The following TRA2B variants were observed in gnomAD, a reference collection of about 807,000 sequenced individuals.
TRA2B encodes the protein transformer 2 beta homolog, also known as transformer-2 protein homolog beta.
In TRA2B, 14 loss-of-function variants were observed where a neutral mutation model predicts 41.7. The observed-to-expected ratio is 0.34, with a 90% CI of 0.22 to 0.53. The LOEUF (loss-of-function observed/expected upper bound fraction) is 0.53. TRA2B is among the 20% of genes least tolerant of loss of function. The pLI is 0.95. For missense variants in TRA2B, 167 were observed against 396.8 expected, an observed-to-expected ratio of 0.42 and a Z score of 4.92; for synonymous variants, 130 against 128.8, an observed-to-expected ratio of 1.01 and a Z score of -0.06.
At chr3:185,929,643 A>T (rs1744075499) in intron 1 of TRA2B, among the ~76,000 whole-genome samples, 2 of 152,158 alleles carry the variant, frequency 1.3e-5, no homozygotes, top group Admixed American at 6.5e-5. Context: ...AAAATAATCC[A>T]CATCTCCCTA....
chr3:185,917,641 A>G lies in TRA2B; in HGVS notation c.*74T>C. On this transcript the variant is annotated 3_prime_UTR_variant, in exon 9 of 9. Coordinates refer to ENST00000453386, the MANE Select transcript of TRA2B (RefSeq NM_004593.3). ...TCACTAGGCACTGTTCACTTTTTAA[A>G]CAAGAGACAATAAAAAATATTGCCC... The G allele has an allele frequency of 6.5e-7, 1 of 1,547,430 alleles. No homozygotes were observed. Among genetic ancestry groups the G allele is most frequent in the South Asian group, 1.1e-5 (1 of 87,858 alleles).
At chr3:185,925,215 G>T in intron 3 of TRA2B, 1 of 377,930 alleles carries the variant, frequency 2.6e-6, no homozygotes, top group South Asian at 3.8e-5. Context: ...AATGCAGTCG[G>T]AAGTTTTTTT....
Position 185,937,957 on chromosome 3 carries a change from C to A in TRA2B, c.-97G>T, listed in dbSNP as rs920233515. The A allele has an allele frequency of 5.4e-6, 8 of 1,479,780 alleles. No homozygotes were observed. In the East Asian group the frequency reaches 7.1e-5, roughly 13 times the overall value. The allele number at this position is 1,479,780 out of a possible 1,614,324, so 91.7% of individuals were successfully genotyped here. A position where few individuals can be genotyped will look rare whatever the true frequency, so the allele number is the denominator to read the frequency against. On this transcript the variant is annotated 5_prime_UTR_variant, in exon 1 of 9. Coordinates refer to ENST00000453386, the MANE Select transcript of TRA2B (RefSeq NM_004593.3). ...GGCTCCGCCGCAGCCCCGCACGACG[C>A]GCCGGTCGCCCAGCCGCTCAGAGCC...
At chr3:185,926,540 A>G in intron 2 of TRA2B, 61 bp downstream of exon 2, 1 of 1,602,636 alleles carries the variant, frequency 6.2e-7, no homozygotes, top group Non-Finnish European at 8.5e-7. Context: ...CCTGGTTTAC[A>G]AAACACGCAC....
chr3:185,929,438 ACAGACAGAAC>A (rs1217999401), intron 1 of TRA2B, among the ~76,000 whole-genome samples: 2 of 152,250 alleles, frequency 1.3e-5, no homozygotes, highest in South Asian at 4.1e-4. Flanking sequence ...AACCACACCA[ACAGACAGAAC>A]TGGACACCAC....
chr3:185,935,763 T>C, intron 1 of TRA2B: 1 of 985,462 alleles, frequency 1.0e-6, no homozygotes, highest in Non-Finnish European at 1.2e-6. Flanking sequence ...GACACGTGTT[T>C]GATTCAGGTG....
chr3:185,922,896 T>C (rs988151171), intron 4 of TRA2B: 2 of 152,232 alleles, frequency 1.3e-5, no homozygotes, highest in African/African-American at 4.8e-5. Flanking sequence ...TTCAAGCTAG[T>C]GTTTACGCCC....
intron 1 of TRA2B, among the ~76,000 whole-genome samples, chr3:185,930,087 A>G (rs1744093467): frequency 6.6e-6 from 1 of 152,140 alleles, no homozygotes; most frequent in African/African-American, 2.4e-5. Flanking sequence ...AATGGACACA[A>G]TGGTCCACTA....
intron 1 of TRA2B, among the ~76,000 whole-genome samples, chr3:185,930,140 C>A (rs1744094808): frequency 6.6e-6 from 1 of 152,170 alleles, no homozygotes; most frequent in Non-Finnish European, 1.5e-5. Context: ...TGGGTCATAA[C>A]CAGATTCCAA....
intron 1 of TRA2B, among the ~76,000 whole-genome samples, chr3:185,929,938 G>A (rs550255975): frequency 6.6e-6 from 1 of 152,134 alleles, no homozygotes; most frequent in South Asian, 2.1e-4. Flanking sequence ...GCATTAATCA[G>A]ACCTCTGATT....
At chr3:185,934,261 G>A (rs552834436) in intron 1 of TRA2B, among the ~76,000 whole-genome samples, 58 of 152,206 alleles carry the variant, frequency 3.8e-4, no homozygotes, top group African/African-American at 1.4e-3. Context: ...CTGTAGCTCT[G>A]CCCTTGTCCT....
At chr3:185,931,895 A>G in intron 1 of TRA2B, 1 of 1,324,036 alleles carries the variant, frequency 7.6e-7, no homozygotes, top group Non-Finnish European at 9.7e-7. Flanking sequence ...TTAAAACTCC[A>G]GGATAAAATC....
rs138386520 is a variant in TRA2B at position 185,927,427 on chromosome 3, G to A, written c.37-693C>T. On this transcript the variant is annotated intron_variant, in intron 1 of 8. Coordinates refer to ENST00000453386, the MANE Select transcript of TRA2B (RefSeq NM_004593.3). ...CTACACACAAATAAGAGTAGAGAGG[G>A]TGTCAGAGATCCTCCACAGCTTCTC... is the stretch of plus-strand genomic sequence containing the variant. 16 of 152,274 alleles carry A rather than the reference G, an allele frequency of 1.1e-4. No individual in the cohort carries two copies. In the East Asian group the frequency reaches 3.1e-3, roughly 29 times the overall value. 9.4% of individuals were successfully genotyped at this position (152,274 alleles called of 1,614,324 possible). A position where few individuals can be genotyped will look rare whatever the true frequency, so the allele number is the denominator to read the frequency against.
intron 1 of TRA2B, chr3:185,928,423 T>C (rs930781797): frequency 6.6e-6 from 1 of 152,084 alleles, no homozygotes; most frequent in African/African-American, 2.4e-5. Context: ...AAAAGAAAAA[T>C]ATATGAACAG....
rs1434303471 is a variant in TRA2B at position 185,925,512 on chromosome 3, GCTGTGC to G, written c.279_284del (p.His98_Ser99del). ...GAGTAGACATGGGAGAATGGCTGTG[GCTGTGC>G]CGTCTACGATAATCTCGACTGTAAG... On this transcript the variant is annotated inframe_deletion, in exon 3 of 9. Transcript: ENST00000453386. 1.2e-6 allele frequency: 2 copies of G among 1,614,158 alleles called. No individual in the cohort carries two copies. Among genetic ancestry groups the G allele is most frequent in the Non-Finnish European group, 1.7e-6 (2 of 1,180,020 alleles).
chr3:185,923,554 G>A (rs1350935760), intron 4 of TRA2B: 3 of 330,040 alleles, frequency 9.1e-6, no homozygotes, highest in Non-Finnish European at 1.1e-5. Context: ...TACATATCCT[G>A]GCGGAATTGG....
chr3:185,934,290 A>G, intron 1 of TRA2B: 1 of 975,324 alleles, frequency 1.0e-6, no homozygotes, highest in Non-Finnish European at 1.2e-6. Context: ...TAGCTATGAA[A>G]GCATTAATAT....
intron 1 of TRA2B, among the ~76,000 whole-genome samples, chr3:185,931,241 G>C (rs1369631599): frequency 1.3e-5 from 2 of 152,128 alleles, no homozygotes; most frequent in African/African-American, 4.8e-5. Flanking sequence ...AAGAGTCCAG[G>C]GAGGTGGCAA....
At chr3:185,921,238 GTT>G in intron 5 of TRA2B, 51 bp from the exon 6 acceptor site, 1 of 1,519,362 alleles carries the variant, frequency 6.6e-7, no homozygotes, top group Non-Finnish European at 9.1e-7. Flanking sequence ...CTGGACATGA[GTT>G]TTTATATCTA....
Sources: gnomAD v4.1 joint callset for allele counts (sites outside exome capture counted in the v4.1 genomes callset) on GRCh38, gnomAD v4.1.1 for gene constraint, MANE v1.5 for transcripts, NCBI Gene and HGNC (gene_info 2026-07-23, HGNC 2026-07-21) for gene names.